The following SCAMP1 variants were observed in gnomAD, a reference collection of about 807,000 sequenced individuals.
The protein encoded by SCAMP1 is secretory carrier membrane protein 1.
Under a neutral mutation model 41.8 loss-of-function variants are expected in SCAMP1, and 15 were observed. The ratio of observed to expected loss-of-function variants is 0.36; its 90% CI spans 0.24 to 0.55. The LOEUF (loss-of-function observed/expected upper bound fraction) is 0.55. Among genes scored for constraint, SCAMP1 ranks in the 20% least tolerant of loss-of-function variants. The pLI, the probability that SCAMP1 is intolerant of heterozygous loss-of-function variation, is 0.86. For synonymous variants in SCAMP1, 135 were observed against 136.8 expected, an observed-to-expected ratio of 0.99 and a Z score of 0.09; for missense variants, 341 against 412.6, an observed-to-expected ratio of 0.83 and a Z score of 1.50.
intron 6 of SCAMP1, among the ~76,000 whole-genome samples, chr5:78,422,657 T>G (rs115486672): frequency 6.6e-6 from 1 of 152,166 alleles, no homozygotes; most frequent in Admixed American, 6.6e-5. Context: ...TTTCTTACAC[T>G]CTTTAAGTAC....
chr5:78,469,900 A>AC (rs1753834332), intron 8 of SCAMP1, among the ~76,000 whole-genome samples: 1 of 37,928 alleles, frequency 2.6e-5, no homozygotes, highest in Non-Finnish European at 5.0e-5. Flanking sequence ...TAAAAAAAAA[A>AC]AAAAAAAAAA....
chr5:78,445,052 A>T (rs2112197459), intron 6 of SCAMP1, among the ~76,000 whole-genome samples: 1 of 152,284 alleles, frequency 6.6e-6, no homozygotes. Flanking sequence ...GCTTTAGTTA[A>T]CTTGTGTCCC....
chr5:78,479,874 C>T lies in SCAMP1; in HGVS notation c.*4206C>T, dbSNP rs1157445262. Among the ~76,000 whole-genome samples, 1 of 150,270 alleles carries T rather than the reference C, an allele frequency of 6.7e-6. No individual in the cohort carries two copies. Among genetic ancestry groups the T allele is most frequent in the Non-Finnish European group, 1.5e-5 (1 of 67,962 alleles). On this transcript the variant is annotated 3_prime_UTR_variant, in exon 9 of 9. Transcript: ENST00000621999. ...TGGCTAACATGGTGAAACCCCATCT[C>T]TACTAAAAATACAAAAAAAAAATTA...
intron 6 of SCAMP1, among the ~76,000 whole-genome samples, chr5:78,437,614 T>C (rs1164483385): frequency 6.6e-6 from 1 of 152,166 alleles, no homozygotes; most frequent in African/African-American, 2.4e-5. Context: ...ATTCAGTTTG[T>C]CAGTATGTTA....
At chr5:78,365,576 G>A (rs1750775168) in intron 1 of SCAMP1, among the ~76,000 whole-genome samples, 1 of 151,720 alleles carries the variant, frequency 6.6e-6, no homozygotes, top group Admixed American at 6.6e-5. Context: ...CTGGAGTGCT[G>A]GTAGTAGCTG....
At chr5:78,366,825 A>G (rs888008601) in intron 1 of SCAMP1, among the ~76,000 whole-genome samples, 12 of 151,944 alleles carry the variant, frequency 7.9e-5, no homozygotes, top group Non-Finnish European at 1.5e-5. Context: ...CATCTCTACT[A>G]AAATTTAAAA....
At chr5:78,441,027 C>T (rs1752909442) in intron 6 of SCAMP1, among the ~76,000 whole-genome samples, 1 of 152,214 alleles carries the variant, frequency 6.6e-6, no homozygotes, top group African/African-American at 2.4e-5. Context: ...GATATAATCT[C>T]CTGGTGTGCC....
chr5:78,434,443 C>G (rs564695045), intron 6 of SCAMP1, among the ~76,000 whole-genome samples: 16 of 152,196 alleles, frequency 1.1e-4, no homozygotes, highest in Admixed American at 9.8e-4. Context: ...TGAAGCCTTC[C>G]CCTACTACAT....
At chr5:78,385,012 C>T (rs1751307977) in intron 1 of SCAMP1, among the ~76,000 whole-genome samples, 1 of 152,082 alleles carries the variant, frequency 6.6e-6, no homozygotes, top group Admixed American at 6.6e-5. Context: ...GGAATAGTGC[C>T]AATAGGATTG....
At chr5:78,429,590 C>A (rs1276422133) in intron 6 of SCAMP1, among the ~76,000 whole-genome samples, 1 of 151,928 alleles carries the variant, frequency 6.6e-6, no homozygotes, top group Non-Finnish European at 1.5e-5. Flanking sequence ...ATTTGCCCTA[C>A]CTTGGTTGAA....
intron 8 of SCAMP1, among the ~76,000 whole-genome samples, chr5:78,463,904 CTAA>C (rs1417567117): frequency 6.6e-6 from 1 of 151,466 alleles, no homozygotes; most frequent in Admixed American, 6.6e-5. Flanking sequence ...TGAATACCTA[CTAA>C]TGAGATGGCA....
At chr5:78,368,229 A>C (rs1417577635) in intron 1 of SCAMP1, among the ~76,000 whole-genome samples, 5 of 152,160 alleles carry the variant, frequency 3.3e-5, no homozygotes, top group Non-Finnish European at 5.9e-5. Flanking sequence ...GATGTTTAGA[A>C]AACTTTTGTC....
intron 2 of SCAMP1, among the ~76,000 whole-genome samples, chr5:78,393,711 G>A (rs1751574572): frequency 6.6e-6 from 1 of 152,120 alleles, no homozygotes; most frequent in South Asian, 2.1e-4. Flanking sequence ...ATTATGTTGT[G>A]CATGGTAGGT....
At chr5:78,453,703 T>G (rs1753304521) in intron 7 of SCAMP1, among the ~76,000 whole-genome samples, 1 of 152,190 alleles carries the variant, frequency 6.6e-6, no homozygotes, top group African/African-American at 2.4e-5. Flanking sequence ...TTTAAAGTAG[T>G]TTTTTCCAGT....
At chr5:78,457,278 C>T (rs1753436658) in intron 7 of SCAMP1, among the ~76,000 whole-genome samples, 1 of 152,172 alleles carries the variant, frequency 6.6e-6, no homozygotes, top group East Asian at 1.9e-4. Context: ...TTAGAGTTTC[C>T]AGTTTTTCTG....
intron 8 of SCAMP1, among the ~76,000 whole-genome samples, chr5:78,459,654 A>G (rs1315267338): frequency 6.6e-6 from 1 of 152,202 alleles, no homozygotes; most frequent in African/African-American, 2.4e-5. Context: ...AATATACTCT[A>G]AATTTCTTTT....
intron 7 of SCAMP1, among the ~76,000 whole-genome samples, chr5:78,453,907 T>A (rs1753311394): frequency 6.6e-6 from 1 of 152,110 alleles, no homozygotes; most frequent in African/African-American, 2.4e-5. Flanking sequence ...TTCACATCCC[T>A]TGTAAGTTGG....
At chr5:78,428,789 G>A (rs957010706) in intron 6 of SCAMP1, among the ~76,000 whole-genome samples, 1 of 151,902 alleles carries the variant, frequency 6.6e-6, no homozygotes, top group Non-Finnish European at 1.5e-5. Context: ...ATTTCTCTCA[G>A]CCATGTTCTT....
intron 8 of SCAMP1, among the ~76,000 whole-genome samples, chr5:78,464,585 C>T (rs893613539): frequency 6.6e-6 from 1 of 151,986 alleles, no homozygotes; most frequent in African/African-American, 2.4e-5. Flanking sequence ...TTAAAAAAAC[C>T]CCAACAAATT....
Sources: gnomAD v4.1 joint callset for allele counts (sites outside exome capture counted in the v4.1 genomes callset) on GRCh38, gnomAD v4.1.1 for gene constraint, MANE v1.5 for transcripts, NCBI Gene and HGNC (gene_info 2026-07-23, HGNC 2026-07-21) for gene names.